The following ACAP2 variants were observed in gnomAD, a reference collection of about 807,000 sequenced individuals.
ACAP2 encodes ArfGAP with coiled-coil, ankyrin repeat and PH domains 2, also known as arf-GAP with coiled-coil, ANK repeat and PH domain-containing protein 2.
A neutral mutation model predicts 115.8 loss-of-function variants in ACAP2; 39 were observed. The observed-to-expected ratio is 0.34, with a 90% confidence interval of 0.26 to 0.44. The LOEUF (loss-of-function observed/expected upper bound fraction) is 0.44. Among genes scored for constraint, ACAP2 ranks in the 20% least tolerant of loss-of-function variants. ACAP2 has a pLI of 1.00. For synonymous variants in ACAP2, 289 were observed against 315.8 expected, an observed-to-expected ratio of 0.92 and a Z score of 0.90; for missense variants, 662 against 927.6, an observed-to-expected ratio of 0.71 and a Z score of 3.72.
intron 1 of ACAP2, among the ~76,000 whole-genome samples, chr3:195,421,626 G>A (rs967175245): frequency 1.3e-5 from 2 of 152,222 alleles, no homozygotes; most frequent in African/African-American, 4.8e-5. Flanking sequence ...ATAGCTGATT[G>A]ATGAGCAAGA....
chr3:195,335,370 C>T (rs1321754271), intron 7 of ACAP2, among the ~76,000 whole-genome samples: 4 of 152,044 alleles, frequency 2.6e-5, no homozygotes, highest in Non-Finnish European at 5.9e-5. Flanking sequence ...TGACATATAA[C>T]TTTGCAGTGT....
At chr3:195,328,805 C>T (rs577369040) in intron 8 of ACAP2, among the ~76,000 whole-genome samples, 97 of 152,212 alleles carry the variant, frequency 6.4e-4, no homozygotes, top group African/African-American at 2.3e-3. Flanking sequence ...TGCGGCTGGG[C>T]GTGGCGGCTC....
At chr3:195,293,365 G>A (rs1727396711) in intron 18 of ACAP2, among the ~76,000 whole-genome samples, 1 of 152,182 alleles carries the variant, frequency 6.6e-6, no homozygotes, top group Admixed American at 6.5e-5. Flanking sequence ...CATGGAGGAG[G>A]GGACAAGGGT....
chr3:195,296,957 T>C (rs1203974067), intron 16 of ACAP2, among the ~76,000 whole-genome samples: 2 of 152,182 alleles, frequency 1.3e-5, no homozygotes, highest in Non-Finnish European at 2.9e-5. Context: ...TACATTCCTA[T>C]GCAGAGCCCT....
At chr3:195,295,583 G>A in intron 17 of ACAP2, 125 bp downstream of exon 17, 1 of 994,392 alleles carries the variant, frequency 1.0e-6, no homozygotes, top group Non-Finnish European at 1.5e-6. Flanking sequence ...GTTTTTCTTA[G>A]AATATGTAGA....
intron 1 of ACAP2, among the ~76,000 whole-genome samples, chr3:195,434,174 CCA>C (rs1240636158): frequency 6.6e-6 from 1 of 152,122 alleles, no homozygotes; most frequent in Non-Finnish European, 1.5e-5. Flanking sequence ...AGCAATCCTC[CCA>C]CTGTGGCCTC....
At chr3:195,322,483 T>G (rs574980345) in intron 9 of ACAP2, among the ~76,000 whole-genome samples, 1 of 151,844 alleles carries the variant, frequency 6.6e-6, no homozygotes, top group South Asian at 2.1e-4. Flanking sequence ...GAAAAAAAAA[T>G]AACCTCTCCT....
chr3:195,351,850 C>T (rs1477869323), intron 4 of ACAP2, among the ~76,000 whole-genome samples: 2 of 152,162 alleles, frequency 1.3e-5, no homozygotes, highest in African/African-American at 2.4e-5. Flanking sequence ...AACATCATTA[C>T]TTATTAATAA....
chr3:195,318,766 T>A (rs1419480346), intron 10 of ACAP2, among the ~76,000 whole-genome samples: 4 of 152,128 alleles, frequency 2.6e-5, no homozygotes, highest in African/African-American at 4.8e-5. Flanking sequence ...TTTGGAAAAT[T>A]TGCAGCCTGA....
intron 1 of ACAP2, among the ~76,000 whole-genome samples, chr3:195,424,944 AGGTTTT>A (rs1714556801): frequency 5.5e-5 from 7 of 127,636 alleles, no homozygotes; most frequent in African/African-American, 1.2e-4. Context: ...AAAAAAAAAA[AGGTTTT>A]AAGAGTTGAT....
chr3:195,414,871 G>A (rs892979706), intron 1 of ACAP2, among the ~76,000 whole-genome samples: 2 of 152,088 alleles, frequency 1.3e-5, no homozygotes, highest in African/African-American at 4.8e-5. Context: ...AGTAAAAGAC[G>A]CCAATCTTTA....
At chr3:195,439,780 C>T (rs1192929120) in intron 1 of ACAP2, among the ~76,000 whole-genome samples, 1 of 151,956 alleles carries the variant, frequency 6.6e-6, no homozygotes, top group East Asian at 1.9e-4. Context: ...GTGCACACTA[C>T]CACACCCGGC....
chr3:195,304,610 G>A (rs73890760), intron 13 of ACAP2, among the ~76,000 whole-genome samples: 5,570 of 152,200 alleles, frequency 0.037, 324 homozygotes, highest in African/African-American at 0.12. Flanking sequence ...TCTCTGAATC[G>A]ACTTCACCTG....
chr3:195,299,851 A>C (rs1464175482), intron 15 of ACAP2, among the ~76,000 whole-genome samples: 2 of 152,110 alleles, frequency 1.3e-5, no homozygotes, highest in African/African-American at 4.8e-5. Flanking sequence ...AAAAAGAGAG[A>C]ATTTGGAAAA....
chr3:195,389,432 C>T (rs1339648070), intron 2 of ACAP2, among the ~76,000 whole-genome samples: 1 of 152,142 alleles, frequency 6.6e-6, no homozygotes, highest in Non-Finnish European at 1.5e-5. Context: ...TGTGGTTCTA[C>T]CTTATTACCT....
chr3:195,346,418 C>T (rs147779823), intron 4 of ACAP2, among the ~76,000 whole-genome samples: 9 of 152,196 alleles, frequency 5.9e-5, no homozygotes, highest in African/African-American at 9.6e-5. Flanking sequence ...GAAGGAGAGA[C>T]GCATCTTTAT....
chr3:195,433,294 ATTT>A (rs543001884), intron 1 of ACAP2, among the ~76,000 whole-genome samples: 2 of 152,192 alleles, frequency 1.3e-5, no homozygotes, highest in African/African-American at 2.4e-5. Context: ...TGTTATCGTT[ATTT>A]TTTATTGTTT....
chr3:195,386,645 G>T (rs1734324078), intron 2 of ACAP2, among the ~76,000 whole-genome samples: 1 of 152,114 alleles, frequency 6.6e-6, no homozygotes, highest in Non-Finnish European at 1.5e-5. Context: ...CCTGTCAGGT[G>T]CGGGGCAAGG....
At chr3:195,310,806 G>A (rs1728714625) in intron 10 of ACAP2, among the ~76,000 whole-genome samples, 1 of 151,988 alleles carries the variant, frequency 6.6e-6, no homozygotes, top group African/African-American at 2.4e-5. Flanking sequence ...TCTGAATGAC[G>A]TTTTCATAAC....
Sources: allele counts gnomAD v4.1 joint callset (sites outside exome capture counted in the v4.1 genomes callset), GRCh38; gene constraint gnomAD v4.1.1; transcripts MANE v1.5; gene names NCBI Gene and HGNC (gene_info 2026-07-23, HGNC 2026-07-21).